Variants in AGBL4 observed in about 807,000 individuals in gnomAD.
AGBL4 encodes the protein cytosolic carboxypeptidase 6.
A neutral mutation model predicts 66.4 loss-of-function variants in AGBL4; 58 were observed. The ratio of observed to expected loss-of-function variants is 0.87; its 90% CI spans 0.71 to 1.09. The LOEUF (loss-of-function observed/expected upper bound fraction) is 1.09. AGBL4 is among the 50% of genes least tolerant of loss of function. The pLI is 0.00. For missense variants in AGBL4, 579 were observed against 631.0 expected, an observed-to-expected ratio of 0.92 and a Z score of 0.88; for synonymous variants, 234 against 222.9, an observed-to-expected ratio of 1.05 and a Z score of -0.44.
intron 3 of AGBL4, among the ~76,000 whole-genome samples, chr1:49,585,992 T>A (rs902762616): frequency 1.3e-5 from 2 of 152,246 alleles, no homozygotes; most frequent in African/African-American, 4.8e-5. Flanking sequence ...TTTACCCATA[T>A]GTTAATTACA....
At chr1:49,258,361 C>G (rs1231249347) in intron 3 of AGBL4, among the ~76,000 whole-genome samples, 1 of 152,130 alleles carries the variant, frequency 6.6e-6, no homozygotes, top group Non-Finnish European at 1.5e-5. Context: ...CTACTCCGAG[C>G]TACAGAAGGA....
At chr1:49,978,395 G>A (rs1658758955) in intron 1 of AGBL4, among the ~76,000 whole-genome samples, 1 of 152,164 alleles carries the variant, frequency 6.6e-6, no homozygotes, top group Non-Finnish European at 1.5e-5. Context: ...AGTGAGCTCT[G>A]ACTGTGCCAC....
At chr1:49,977,745 C>CA (rs1309693406) in intron 1 of AGBL4, among the ~76,000 whole-genome samples, 5 of 152,154 alleles carry the variant, frequency 3.3e-5, no homozygotes, top group African/African-American at 1.2e-4. Context: ...CACACACACA[C>CA]AAAAAACTTC....
At chr1:48,599,718 T>C (rs1041518451) in intron 9 of AGBL4, among the ~76,000 whole-genome samples, 2 of 152,082 alleles carry the variant, frequency 1.3e-5, no homozygotes, top group South Asian at 2.1e-4. Flanking sequence ...GAAGACTGGG[T>C]TGGAGCCCAG....
chr1:49,654,718 C>G (rs1646084426), intron 3 of AGBL4, among the ~76,000 whole-genome samples: 1 of 152,138 alleles, frequency 6.6e-6, no homozygotes, highest in East Asian at 1.9e-4. Flanking sequence ...GGTTTAAAGT[C>G]TGTTTTATCA....
chr1:48,971,758 T>C (rs1658923292), intron 5 of AGBL4, among the ~76,000 whole-genome samples: 1 of 152,160 alleles, frequency 6.6e-6, no homozygotes. Context: ...TCAATGCCCA[T>C]GGAATCAAAT....
intron 6 of AGBL4, among the ~76,000 whole-genome samples, chr1:48,758,526 A>C (rs989449348): frequency 6.6e-6 from 1 of 152,174 alleles, no homozygotes; most frequent in African/African-American, 2.4e-5. Context: ...AAACTAATAC[A>C]TGTTGTTAGG....
At chr1:48,814,941 A>G (rs1238207448) in intron 6 of AGBL4, among the ~76,000 whole-genome samples, 1 of 152,122 alleles carries the variant, frequency 6.6e-6, no homozygotes, top group Non-Finnish European at 1.5e-5. Context: ...TGGATCATGT[A>G]GTAGCTCTAT....
chr1:49,283,041 C>A (rs1465656702), intron 3 of AGBL4, among the ~76,000 whole-genome samples: 1 of 152,232 alleles, frequency 6.6e-6, no homozygotes, highest in Non-Finnish European at 1.5e-5. Flanking sequence ...GGCCTGCCTG[C>A]CTCTGTAGGC....
At chr1:49,877,479 T>A (rs1325925157) in intron 1 of AGBL4, among the ~76,000 whole-genome samples, 4 of 150,744 alleles carry the variant, frequency 2.7e-5, no homozygotes, top group African/African-American at 9.7e-5. Flanking sequence ...TTGCGTATAT[T>A]GAACCAGCCT....
At chr1:49,017,223 A>C (rs911452572) in intron 5 of AGBL4, among the ~76,000 whole-genome samples, 2 of 152,296 alleles carry the variant, frequency 1.3e-5, no homozygotes, top group African/African-American at 4.8e-5. Flanking sequence ...GGAGAATTAG[A>C]GCATCCTTTT....
intron 4 of AGBL4, among the ~76,000 whole-genome samples, chr1:49,103,993 G>C (rs546089317): frequency 2.0e-5 from 3 of 151,976 alleles, no homozygotes; most frequent in Non-Finnish European, 4.4e-5. Context: ...CTGTGCACTC[G>C]CCATTCCACC....
chr1:49,371,047 A>G (rs1644329849), intron 3 of AGBL4, among the ~76,000 whole-genome samples: 1 of 152,148 alleles, frequency 6.6e-6, no homozygotes, highest in African/African-American at 2.4e-5. Flanking sequence ...GCTCTTGTGC[A>G]TCACCATCAG....
intron 5 of AGBL4, among the ~76,000 whole-genome samples, chr1:48,998,898 G>T (rs550999814): frequency 1.3e-5 from 2 of 152,280 alleles, no homozygotes; most frequent in African/African-American, 4.8e-5. Context: ...TATGGCAGCT[G>T]CTTGAAGATC....
rs116472860 is a variant in AGBL4, at chr1:48,809,419, C to T, written c.634+57772G>A. 3.9e-3 allele frequency among the ~76,000 whole-genome samples: 596 copies of T among 152,236 alleles called. 5 individuals carry two copies. The highest frequency in any genetic ancestry group is 0.013 in the African/African-American group (559 of 41,548). The stretch of plus-strand genomic sequence containing the variant: ...ATTTCTCCTGGTGGACAGTGAGAGC[C>T]CTGAGTAGGATGGGGCACTCTCAAA... On this transcript the variant is annotated intron_variant, in intron 6 of 13. Coordinates refer to ENST00000371839, the MANE Select transcript of AGBL4 (RefSeq NM_032785.4).
At chr1:49,875,008 A>G (rs973154574) in intron 1 of AGBL4, among the ~76,000 whole-genome samples, 7 of 120,950 alleles carry the variant, frequency 5.8e-5, no homozygotes, top group African/African-American at 2.2e-4. Flanking sequence ...CCAGAGTGTG[A>G]TGTTCCCCTT....
chr1:49,737,316 A>AT (rs1448132049), intron 2 of AGBL4, among the ~76,000 whole-genome samples: 2 of 152,222 alleles, frequency 1.3e-5, no homozygotes, highest in East Asian at 3.8e-4. Flanking sequence ...GATAAAGAAA[A>AT]TGCGGTACAT....
chr1:49,538,186 T>C (rs1013133800), intron 3 of AGBL4, among the ~76,000 whole-genome samples: 4 of 152,208 alleles, frequency 2.6e-5, no homozygotes, highest in Non-Finnish European at 2.9e-5. Context: ...ATAACAAAGA[T>C]GTGGAACCAC....
chr1:48,996,839 C>CTTCCTTCCTTCCTTCCTTCCTTCCT (rs202198002), intron 5 of AGBL4, among the ~76,000 whole-genome samples: 76 of 151,846 alleles, frequency 5.0e-4, no homozygotes, highest in African/African-American at 1.8e-3. Context: ...TCCTTCCTTC[C>CTTCCTTCCTTCCTTCCTTCCTTCCT]TTCCTTCCTT....
Sources: allele counts gnomAD v4.1 joint callset (sites outside exome capture counted in the v4.1 genomes callset), GRCh38; gene constraint gnomAD v4.1.1; transcripts MANE v1.5; gene names NCBI Gene and HGNC (gene_info 2026-07-23, HGNC 2026-07-21).